Variants in MED13L observed in about 807,000 individuals in gnomAD.
MED13L encodes the protein mediator of RNA polymerase II transcription subunit 13-like.
A neutral mutation model predicts 220.9 loss-of-function variants in MED13L; 7 were observed. The observed-to-expected ratio is 0.03, with a 90% CI of 0.02 to 0.06. The LOEUF (loss-of-function observed/expected upper bound fraction) is 0.06, where lower values mean the gene tolerates loss of function less well. MED13L is among the 10% of genes least tolerant of loss of function. The pLI, the probability that MED13L is intolerant of heterozygous loss-of-function variation, is 1.00. For missense variants in MED13L, 1,965 were observed against 2,760.5 expected, an observed-to-expected ratio of 0.71 and a Z score of 6.46; for synonymous variants, 1,011 against 1,015.2, an observed-to-expected ratio of 1.00 and a Z score of 0.08.
intron 3 of MED13L, among the ~76,000 whole-genome samples, chr12:116,100,380 C>T (rs1163913705): frequency 6.6e-6 from 1 of 151,874 alleles, no homozygotes; most frequent in East Asian, 1.9e-4. Flanking sequence ...GGGTGGATCA[C>T]CTGAGGTCAG....
At chr12:116,111,677 G>T (rs1186810982) in intron 2 of MED13L, among the ~76,000 whole-genome samples, 165 bp from the exon 3 acceptor site, 1 of 152,108 alleles carries the variant, frequency 6.6e-6, no homozygotes, top group Non-Finnish European at 1.5e-5. Context: ...TTTGCCCAAA[G>T]TTAGAAAATA....
At chr12:115,975,034 G>C in intron 25 of MED13L, 137 bp downstream of exon 25, 5 of 929,186 alleles carry the variant, frequency 5.4e-6, no homozygotes, top group Non-Finnish European at 6.7e-6. Context: ...GGTTTATCCT[G>C]TACATATAAA....
intron 1 of MED13L, among the ~76,000 whole-genome samples, chr12:116,250,981 T>C (rs1473532896): frequency 1.3e-5 from 2 of 151,636 alleles, no homozygotes; most frequent in Non-Finnish European, 2.9e-5. Context: ...TTTAATATTA[T>C]TTGAAGGTAA....
intron 4 of MED13L, among the ~76,000 whole-genome samples, chr12:116,039,680 G>A (rs1203210169): frequency 6.6e-6 from 1 of 152,140 alleles, no homozygotes; most frequent in African/African-American, 2.4e-5. Context: ...AGGAGAGGCA[G>A]AGATGACAGC....
At chr12:116,231,535 A>C (rs1284860645) in intron 2 of MED13L, among the ~76,000 whole-genome samples, 1 of 152,210 alleles carries the variant, frequency 6.6e-6, no homozygotes, top group East Asian at 1.9e-4. Flanking sequence ...AAATGAGAGG[A>C]CACAAGCCAT....
At chr12:116,011,451 T>A (rs553224548) in intron 9 of MED13L, among the ~76,000 whole-genome samples, 2 of 152,322 alleles carry the variant, frequency 1.3e-5, no homozygotes, top group African/African-American at 4.8e-5. Context: ...AAATACGTTA[T>A]CTTTTTAAGT....
chr12:116,250,025 T>TAAAAAAAAAAAAA (rs71095516), intron 1 of MED13L, among the ~76,000 whole-genome samples: 12 of 40,458 alleles, frequency 3.0e-4, no homozygotes, highest in African/African-American at 5.8e-4. Context: ...CAGCATAAAC[T>TAAAAAAAAAAAAA]AAAAAAAAAA....
At chr12:116,148,074 A>AAAAAAAAAAAAAAAAAG (rs1377801971) in intron 2 of MED13L, among the ~76,000 whole-genome samples, 1 of 98,306 alleles carries the variant, frequency 1.0e-5, no homozygotes, top group Non-Finnish European at 2.0e-5. Context: ...AAAAAAAAAA[A>AAAAAAAAAAAAAAAAAG]GAGGGGGGCG....
intron 14 of MED13L, among the ~76,000 whole-genome samples, chr12:116,001,219 T>C (rs1477696138): frequency 1.3e-5 from 2 of 152,174 alleles, no homozygotes; most frequent in East Asian, 3.9e-4. Flanking sequence ...TTTTTTGAGA[T>C]GGAGTCTTGC....
At chr12:116,008,372 C>G in intron 10 of MED13L, 29 bp downstream of exon 10, 1 of 1,583,336 alleles carries the variant, frequency 6.3e-7, no homozygotes, top group Non-Finnish European at 8.6e-7. Flanking sequence ...TTCCGGTGGA[C>G]GGGTGGGTGG....
intron 2 of MED13L, among the ~76,000 whole-genome samples, chr12:116,158,637 T>C (rs1040191232): frequency 1.3e-5 from 2 of 152,134 alleles, no homozygotes; most frequent in African/African-American, 2.4e-5. Context: ...CAAATAAATC[T>C]ACCAACAAAG....
intron 4 of MED13L, among the ~76,000 whole-genome samples, chr12:116,093,480 T>C (rs1371764463): frequency 1.3e-5 from 2 of 152,004 alleles, no homozygotes; most frequent in South Asian, 2.1e-4. Context: ...TAGGAGTCCA[T>C]TAGTAAATGA....
intron 30 of MED13L, 154 bp from the exon 31 acceptor site, chr12:115,961,552 C>T: frequency 9.4e-7 from 1 of 1,068,348 alleles, no homozygotes; most frequent in Non-Finnish European, 1.4e-6. Flanking sequence ...GTCTCATGTT[C>T]CTCCTTCCTT....
intron 1 of MED13L, among the ~76,000 whole-genome samples, chr12:116,259,846 A>G (rs1872370217): frequency 6.6e-6 from 1 of 152,238 alleles, no homozygotes; most frequent in South Asian, 2.1e-4. Flanking sequence ...GCTCACACTA[A>G]TTACATAAAA....
intron 4 of MED13L, among the ~76,000 whole-genome samples, chr12:116,038,744 C>CA (rs63703461): frequency 0.25 from 19,071 of 74,964 alleles, 4,576 homozygotes; most frequent in Non-Finnish European, 0.31. Flanking sequence ...GTCAAAAGGC[C>CA]AAAAAAAAAA....
chr12:116,257,314 T>A (rs1872144347), intron 1 of MED13L, among the ~76,000 whole-genome samples: 1 of 152,158 alleles, frequency 6.6e-6, no homozygotes, highest in Non-Finnish European at 1.5e-5. Context: ...AACATACACT[T>A]TACACTGCTG....
rs1368672231 is a variant in MED13L, at chr12:115,991,060, C to T, written c.3894G>A (p.Leu1298=). 5.6e-6 allele frequency: 9 copies of T among 1,614,050 alleles called. No individual in the cohort carries two copies. Among genetic ancestry groups the T allele is most frequent in the South Asian group, 1.1e-5 (1 of 91,086 alleles). Residue 1298 remains leucine, a synonymous_variant, in exon 17 of 31, where the codon CTG becomes CTA. Coordinates refer to ENST00000281928, the MANE Select transcript of MED13L (RefSeq NM_015335.5). This position sits in a 1 kb window ranked among gnomAD's most constrained non-coding sequence, Gnocchi z 7.7. The part of the protein sequence containing the change: ...NPTGGKVDEA[L]VRSATVHSWP... The stretch of plus-strand genomic sequence containing the variant: ...AAGAGTGCACAGTGGCACTTCTCAC[C>T]AGAGCTTCGTCCACTTTTCCACCAG...
intron 2 of MED13L, among the ~76,000 whole-genome samples, chr12:116,224,628 G>T (rs1043738436): frequency 1.1e-4 from 16 of 152,162 alleles, no homozygotes; most frequent in Non-Finnish European, 4.4e-5. Flanking sequence ...AAGAAATCAT[G>T]TAACAATGGT....
intron 10 of MED13L, 89 bp downstream of exon 10, chr12:116,008,312 T>C (rs754941158): frequency 1.1e-4 from 167 of 1,502,842 alleles, no homozygotes; most frequent in Non-Finnish European, 1.5e-4. Context: ...CCTACTTCAA[T>C]TTTGAATCTG....
Sources: allele counts gnomAD v4.1 joint callset (sites outside exome capture counted in the v4.1 genomes callset), GRCh38; gene constraint gnomAD v4.1.1; non-coding constraint Gnocchi (gnomAD v3.1); transcripts MANE v1.5; gene names NCBI Gene and HGNC (gene_info 2026-07-23, HGNC 2026-07-21).